The following ATG10 variants were observed in gnomAD, a reference collection of about 807,000 sequenced individuals.
The protein encoded by ATG10 is autophagy related 10, also known as ubiquitin-like-conjugating enzyme ATG10.
Under a neutral mutation model 32.1 loss-of-function variants are expected in ATG10, and 30 were observed. The observed-to-expected ratio is 0.94, with a 90% CI of 0.70 to 1.27. ATG10 has a LOEUF of 1.27. Ranked by LOEUF, ATG10 falls within the 50% of genes most tolerant of loss-of-function variation. The probability of loss-of-function intolerance (pLI) is 0.00; values close to 1 mark genes in which losing one functional copy is unlikely to be tolerated. For synonymous variants in ATG10, 87 were observed against 91.5 expected (o/e 0.95, Z 0.28); for missense variants, 233 against 262.3 (o/e 0.89, Z 0.77).
At chr5:82,173,238 GGT>G (rs1743871724) in intron 4 of ATG10, among the ~76,000 whole-genome samples, 1 of 152,264 alleles carries the variant, frequency 6.6e-6, no homozygotes, top group African/African-American at 2.4e-5. Flanking sequence ...AGATAGTGCT[GGT>G]GAAATATCTC....
chr5:82,033,419 C>A lies in ATG10; in HGVS notation c.109-25076C>A, dbSNP rs536026179. The stretch of plus-strand genomic sequence containing the variant: ...GTGGCACGATCTCGGTTCACTGCAA[C>A]CTCCACCTTCTGGGTTCAAGTGATT... On this transcript the variant is annotated intron_variant, in intron 2 of 7. Transcript: ENST00000282185. Among the ~76,000 whole-genome samples, 17 of 151,342 alleles carry A rather than the reference C, an allele frequency of 1.1e-4. No homozygotes were observed. In the South Asian group the frequency reaches 2.7e-3, roughly 24 times the overall value.
chr5:82,181,106 A>G (rs1744216003), intron 5 of ATG10, among the ~76,000 whole-genome samples: 1 of 152,134 alleles, frequency 6.6e-6, no homozygotes. Flanking sequence ...ACGGTATTAC[A>G]GATCAAATCC....
chr5:82,043,943 T>C (rs531741023), intron 2 of ATG10, among the ~76,000 whole-genome samples: 2 of 152,148 alleles, frequency 1.3e-5, no homozygotes, highest in African/African-American at 4.8e-5. Flanking sequence ...TCCAAACTGT[T>C]CCAACTTCTG....
chr5:82,182,392 T>C (rs1338931049), intron 5 of ATG10, among the ~76,000 whole-genome samples: 1 of 152,116 alleles, frequency 6.6e-6, no homozygotes, highest in Non-Finnish European at 1.5e-5. Context: ...TTTAAGTAAA[T>C]ATTTTTAAAA....
chr5:82,164,259 G>A (rs2149899853), intron 3 of ATG10, 140 bp from the exon 4 acceptor site: 1 of 790,926 alleles, frequency 1.3e-6, no homozygotes, highest in African/African-American at 1.8e-5. Flanking sequence ...ATTAATATGG[G>A]AAACTCCCTT....
chr5:82,087,763 A>T (rs1422617227), intron 3 of ATG10, among the ~76,000 whole-genome samples: 2 of 152,116 alleles, frequency 1.3e-5, no homozygotes, highest in Non-Finnish European at 2.9e-5. Flanking sequence ...TACAGGGCTG[A>T]TATCCTTAAA....
chr5:82,029,198 T>C (rs1258437071), intron 2 of ATG10, among the ~76,000 whole-genome samples: 2 of 152,354 alleles, frequency 1.3e-5, no homozygotes, highest in South Asian at 2.1e-4. Flanking sequence ...TGGTTAATGA[T>C]GAGAAAGGCA....
At chr5:82,083,166 G>A (rs1313921611) in intron 3 of ATG10, among the ~76,000 whole-genome samples, 1 of 152,286 alleles carries the variant, frequency 6.6e-6, no homozygotes, top group East Asian at 1.9e-4. Flanking sequence ...TTAGCAAACG[G>A]CACACCAGGA....
chr5:82,224,915 C>T (rs1196433991), intron 5 of ATG10, among the ~76,000 whole-genome samples: 1 of 152,182 alleles, frequency 6.6e-6, no homozygotes, highest in Non-Finnish European at 1.5e-5. Flanking sequence ...ATTGGGGTGT[C>T]TGCCTCCCAT....
intron 2 of ATG10, among the ~76,000 whole-genome samples, chr5:82,000,247 C>T (rs184625782): frequency 6.6e-6 from 1 of 152,220 alleles, no homozygotes; most frequent in Admixed American, 6.5e-5. Flanking sequence ...ATGCAGAAGA[C>T]CTTTTGATAC....
chr5:82,209,186 A>G (rs536839658), intron 5 of ATG10, among the ~76,000 whole-genome samples: 2 of 152,310 alleles, frequency 1.3e-5, no homozygotes, highest in East Asian at 1.9e-4. Flanking sequence ...TTCCATAGAT[A>G]TTAATCTGAC....
At chr5:82,087,502 T>C (rs1764732110) in intron 3 of ATG10, among the ~76,000 whole-genome samples, 1 of 152,198 alleles carries the variant, frequency 6.6e-6, no homozygotes, top group South Asian at 2.1e-4. Context: ...TGTGTAGCAC[T>C]CATTTTCTAC....
chr5:82,106,497 C>T (rs1765448937), intron 3 of ATG10, among the ~76,000 whole-genome samples: 1 of 152,066 alleles, frequency 6.6e-6, no homozygotes, highest in African/African-American at 2.4e-5. Context: ...GCCTTTTCCA[C>T]TTGCCTGTGG....
At chr5:82,064,185 A>G (rs1763872024) in intron 3 of ATG10, among the ~76,000 whole-genome samples, 1 of 152,206 alleles carries the variant, frequency 6.6e-6, no homozygotes, top group South Asian at 2.1e-4. Context: ...ATAAAACAAC[A>G]TTATTTTTCA....
At chr5:82,199,236 G>A in intron 5 of ATG10, among the ~76,000 whole-genome samples, 1 of 152,132 alleles carries the variant, frequency 6.6e-6, no homozygotes, top group Non-Finnish European at 1.5e-5. Context: ...ATTTTTGGTC[G>A]ATTTTTCTCA....
intron 1 of ATG10, 66 bp from the exon 2 acceptor site, chr5:81,987,493 C>T (rs1174276521): frequency 1.7e-5 from 21 of 1,200,492 alleles, no homozygotes; most frequent in Non-Finnish European, 2.3e-5. Flanking sequence ...AGAAATAAAT[C>T]AATTGGCAGA....
At position 82,085,774 on chromosome 5, in the gene ATG10, T is replaced by A. The variant is rs183958142; in HGVS notation, c.216+27172T>A. On this transcript the variant is annotated intron_variant, in intron 3 of 7. Coordinates refer to ENST00000282185, the MANE Select transcript of ATG10 (RefSeq NM_031482.5). ...GTATTTGCACACACTAGGTACAAAG[T>A]TTAAACAAGGCTTTTAGAGGAGGTT... Among the ~76,000 whole-genome samples the A allele has an allele frequency of 2.8e-4, 42 of 152,254 alleles. 1 individual carries two copies. The highest frequency in any genetic ancestry group is 9.1e-4 in the African/African-American group (38 of 41,544).
At chr5:82,060,398 A>G (rs377493350) in intron 3 of ATG10, among the ~76,000 whole-genome samples, 42 of 152,218 alleles carry the variant, frequency 2.8e-4, no homozygotes, top group African/African-American at 9.6e-4. Flanking sequence ...CTCATAAAAT[A>G]TTTGAGTACA....
At chr5:82,030,145 G>A (rs941659214) in intron 2 of ATG10, among the ~76,000 whole-genome samples, 3 of 152,100 alleles carry the variant, frequency 2.0e-5, no homozygotes, top group African/African-American at 7.2e-5. Context: ...ATACAGTAGG[G>A]CCTCTTCACG....
Sources: allele counts gnomAD v4.1 joint callset (sites outside exome capture counted in the v4.1 genomes callset), GRCh38; gene constraint gnomAD v4.1.1; transcripts MANE v1.5; gene names NCBI Gene and HGNC (gene_info 2026-07-23, HGNC 2026-07-21).